The following AFG1L variants were observed in gnomAD, a reference collection of about 807,000 sequenced individuals.
AFG1L encodes AFG1-like ATPase.
Under a neutral mutation model 62.2 loss-of-function variants are expected in AFG1L, and 53 were observed. The observed-to-expected ratio is 0.85, with a 90% CI of 0.68 to 1.07. The LOEUF (loss-of-function observed/expected upper bound fraction) is 1.07, where lower values mean the gene tolerates loss of function less well. Ranked by LOEUF, AFG1L falls within the 50% of genes least tolerant of loss-of-function variation. The pLI, the probability that AFG1L is intolerant of heterozygous loss-of-function variation, is 0.00. For synonymous variants in AFG1L, 228 were observed against 210.3 expected, an observed-to-expected ratio of 1.08 and a Z score of -0.73; for missense variants, 555 against 590.5, an observed-to-expected ratio of 0.94 and a Z score of 0.62.
intron 7 of AFG1L, among the ~76,000 whole-genome samples, chr6:108,413,028 G>A (rs1321377893): frequency 6.6e-6 from 1 of 152,012 alleles, no homozygotes; most frequent in Non-Finnish European, 1.5e-5. Context: ...CCCATCTCAG[G>A]TGCAGAGACA....
At chr6:108,321,156 G>A (rs1204597713) in intron 1 of AFG1L, among the ~76,000 whole-genome samples, 6 of 152,130 alleles carry the variant, frequency 3.9e-5, no homozygotes, top group African/African-American at 1.4e-4. Context: ...GGGTATACAG[G>A]CTACCCACAT....
At chr6:108,420,809 A>G (rs1000329398) in intron 7 of AFG1L, among the ~76,000 whole-genome samples, 1 of 152,280 alleles carries the variant, frequency 6.6e-6, no homozygotes, top group South Asian at 2.1e-4. Flanking sequence ...TGTAAAATAT[A>G]TACTGTTTAG....
intron 1 of AFG1L, among the ~76,000 whole-genome samples, chr6:108,322,986 A>G (rs2114298440): frequency 6.6e-6 from 1 of 152,348 alleles, no homozygotes; most frequent in Non-Finnish European, 1.5e-5. Context: ...GCTGTGTCTC[A>G]ATTCCATGTC....
At chr6:108,366,095 T>A in intron 5 of AFG1L, 138 bp from the exon 6 acceptor site, 1 of 559,206 alleles carries the variant, frequency 1.8e-6, no homozygotes, top group Non-Finnish European at 3.2e-6. Context: ...CTTTTAATTA[T>A]CTACTCTTTT....
At chr6:108,379,648 A>C (rs1780412797) in intron 6 of AFG1L, among the ~76,000 whole-genome samples, 2 of 152,238 alleles carry the variant, frequency 1.3e-5, no homozygotes, top group Admixed American at 1.3e-4. Flanking sequence ...GTGGGTGACC[A>C]TGAGGTACCC....
At chr6:108,504,740 T>C (rs1774333235) in intron 10 of AFG1L, among the ~76,000 whole-genome samples, 1 of 152,212 alleles carries the variant, frequency 6.6e-6, no homozygotes, top group Non-Finnish European at 1.5e-5. Context: ...TAAAATGAAG[T>C]GTGCCTGTAG....
chr6:108,472,235 A>T (rs545164088), intron 8 of AFG1L, among the ~76,000 whole-genome samples: 1 of 152,296 alleles, frequency 6.6e-6, no homozygotes, highest in East Asian at 1.9e-4. Flanking sequence ...AGGGGAAGGG[A>T]TGAGGAGAGG....
At chr6:108,395,648 C>T (rs1327331667) in intron 6 of AFG1L, among the ~76,000 whole-genome samples, 2 of 151,938 alleles carry the variant, frequency 1.3e-5, no homozygotes, top group Non-Finnish European at 1.5e-5. Flanking sequence ...ACAATCCACC[C>T]GCCTTGGCCT....
intron 7 of AFG1L, among the ~76,000 whole-genome samples, chr6:108,422,668 G>A (rs1476963321): frequency 1.3e-5 from 2 of 151,544 alleles, no homozygotes; most frequent in African/African-American, 2.4e-5. Flanking sequence ...TTGAAACTAC[G>A]TTTAAAAAAA....
chr6:108,357,252 A>C (rs1779328908), intron 5 of AFG1L, among the ~76,000 whole-genome samples: 1 of 152,086 alleles, frequency 6.6e-6, no homozygotes, highest in Non-Finnish European at 1.5e-5. Flanking sequence ...AAATTTTTAA[A>C]AACAATTTTG....
chr6:108,522,115 C>G lies in AFG1L; in HGVS notation c.1318-182C>G, dbSNP rs1198881271. The G allele has an allele frequency of 5.2e-5, 24 of 463,932 alleles. No homozygotes were observed. The East Asian group carries it at 8.3e-4, about 16-fold the overall frequency. The allele number at this position is 463,932 out of a possible 1,614,324, so 28.7% of individuals were successfully genotyped here. A position where few individuals can be genotyped will look rare whatever the true frequency, so the allele number is the denominator to read the frequency against. On this transcript the variant is annotated intron_variant, in intron 12 of 12. Coordinates refer to ENST00000368977, the MANE Select transcript of AFG1L (RefSeq NM_145315.5). ...TCTGATAATTTGATGTGTTTACTGC[C>G]TATCAGTTTAAATTGGTTGACTCTC...
intron 8 of AFG1L, among the ~76,000 whole-genome samples, chr6:108,464,942 C>A (rs1288382348): frequency 1.3e-5 from 2 of 152,202 alleles, no homozygotes; most frequent in Non-Finnish European, 2.9e-5. Flanking sequence ...ACTGATGGGG[C>A]AATTACTCAG....
intron 1 of AFG1L, among the ~76,000 whole-genome samples, chr6:108,299,373 A>T (rs1172991237): frequency 6.6e-6 from 1 of 152,194 alleles, no homozygotes; most frequent in East Asian, 1.9e-4. Flanking sequence ...AAATAATGAC[A>T]TAATAAGTAA....
At chr6:108,446,467 G>A (rs895309850) in intron 7 of AFG1L, among the ~76,000 whole-genome samples, 7 of 145,838 alleles carry the variant, frequency 4.8e-5, no homozygotes, top group Admixed American at 2.1e-4. Flanking sequence ...GGACACTAAT[G>A]TTCTGGCCCA....
intron 10 of AFG1L, among the ~76,000 whole-genome samples, chr6:108,498,838 G>A (rs1252203704): frequency 1.3e-5 from 2 of 151,996 alleles, no homozygotes; most frequent in East Asian, 3.9e-4. Flanking sequence ...AGACAGGCGT[G>A]TGGCATGCAC....
chr6:108,447,661 A>G (rs972544480), intron 8 of AFG1L, among the ~76,000 whole-genome samples: 5 of 152,128 alleles, frequency 3.3e-5, no homozygotes, highest in African/African-American at 1.2e-4. Flanking sequence ...TCCCCCCAAA[A>G]TTGTTGTTTT....
At chr6:108,385,077 T>G (rs1238135036) in intron 6 of AFG1L, among the ~76,000 whole-genome samples, 1 of 152,214 alleles carries the variant, frequency 6.6e-6, no homozygotes, top group East Asian at 1.9e-4. Context: ...TCCAGAAACT[T>G]AGTGAACTTA....
At chr6:108,336,506 C>A (rs565782892) in intron 2 of AFG1L, among the ~76,000 whole-genome samples, 7 of 152,064 alleles carry the variant, frequency 4.6e-5, no homozygotes, top group African/African-American at 1.7e-4. Flanking sequence ...ATTTTAATAT[C>A]ATAGGGAACA....
intron 7 of AFG1L, among the ~76,000 whole-genome samples, chr6:108,415,228 C>T (rs1032408951): frequency 6.6e-6 from 1 of 152,122 alleles, no homozygotes; most frequent in African/African-American, 2.4e-5. Context: ...TGTGAAGGAC[C>T]TCTTCAAGGA....
Sources: gnomAD v4.1 joint callset for allele counts (sites outside exome capture counted in the v4.1 genomes callset) on GRCh38, gnomAD v4.1.1 for gene constraint, MANE v1.5 for transcripts, NCBI Gene and HGNC (gene_info 2026-07-23, HGNC 2026-07-21) for gene names.